Variants in ATRNL1 observed in about 807,000 individuals in gnomAD.
ATRNL1 encodes the protein attractin like 1.
A neutral mutation model predicts 182.7 loss-of-function variants in ATRNL1; 95 were observed. That is an observed-to-expected ratio of 0.52 (90% confidence interval 0.44 to 0.62). ATRNL1 has a LOEUF of 0.62. ATRNL1 is among the 20% of genes least tolerant of loss of function. The pLI, the probability that ATRNL1 is intolerant of heterozygous loss-of-function variation, is 0.00. For synonymous variants in ATRNL1, 576 were observed against 568.3 expected (o/e 1.01, Z -0.19); for missense variants, 1,471 against 1,679.5 (o/e 0.88, Z 2.17).
intron 28 of ATRNL1, among the ~76,000 whole-genome samples, chr10:115,932,301 C>G (rs576545856): frequency 6.6e-6 from 1 of 152,316 alleles, no homozygotes; most frequent in East Asian, 1.9e-4. Flanking sequence ...GATCACTTAG[C>G]AAACATCAGA....
intron 13 of ATRNL1, among the ~76,000 whole-genome samples, chr10:115,273,617 T>G (rs1318714839): frequency 6.6e-6 from 1 of 152,224 alleles, no homozygotes; most frequent in Non-Finnish European, 1.5e-5. Context: ...ACTACTGTAC[T>G]TCAGGGAGGT....
intron 21 of ATRNL1, among the ~76,000 whole-genome samples, chr10:115,431,187 A>G (rs1227533018): frequency 6.6e-6 from 1 of 152,078 alleles, no homozygotes; most frequent in Non-Finnish European, 1.5e-5. Context: ...CGGGCGAATC[A>G]CCTGAGGTAG....
chr10:115,779,934 C>T (rs370397722), intron 27 of ATRNL1, among the ~76,000 whole-genome samples: 2 of 152,348 alleles, frequency 1.3e-5, no homozygotes, highest in Non-Finnish European at 2.9e-5. Flanking sequence ...ATCATCCCTA[C>T]TGCAGGAACA....
At chr10:115,803,996 T>C (rs908005145) in intron 27 of ATRNL1, among the ~76,000 whole-genome samples, 2 of 152,192 alleles carry the variant, frequency 1.3e-5, no homozygotes, top group African/African-American at 4.8e-5. Flanking sequence ...ACCACTGACA[T>C]TTAATTAGTT....
At position 115,438,756 on chromosome 10, in the gene ATRNL1, A is replaced by G. The variant is rs1846524994; in HGVS notation, c.3322+12454A>G. 2.0e-5 allele frequency among the ~76,000 whole-genome samples: 3 copies of G among 151,980 alleles called. No homozygotes were observed. The South Asian group carries it at 6.2e-4, about 31-fold the overall frequency. On this transcript the variant is annotated intron_variant, in intron 21 of 28. Transcript: ENST00000355044. Reference sequence around the variant, plus strand: ...TTAATCCTGGGCATATTCCAGTCATATAAGACTAGGATGAGAGACTGATTA... The same window carrying G: ...TTAATCCTGGGCATATTCCAGTCATGTAAGACTAGGATGAGAGACTGATTA...
intron 3 of ATRNL1, among the ~76,000 whole-genome samples, chr10:115,122,253 A>G (rs1308384838): frequency 6.6e-6 from 1 of 151,786 alleles, no homozygotes; most frequent in African/African-American, 2.4e-5. Flanking sequence ...ATTAATAAAG[A>G]TGGAGTTTCT....
chr10:115,432,565 G>A (rs1259479858), intron 21 of ATRNL1, among the ~76,000 whole-genome samples: 1 of 152,112 alleles, frequency 6.6e-6, no homozygotes, highest in African/African-American at 2.4e-5. Flanking sequence ...GTAACTTAAA[G>A]CAATTGAGTG....
intron 25 of ATRNL1, among the ~76,000 whole-genome samples, chr10:115,545,958 A>C (rs1355024874): frequency 6.6e-6 from 1 of 152,126 alleles, no homozygotes; most frequent in East Asian, 1.9e-4. Flanking sequence ...GTTTACTTCA[A>C]CTCTCTGTGA....
intron 19 of ATRNL1, among the ~76,000 whole-genome samples, chr10:115,368,359 G>C (rs573524221): frequency 5.9e-5 from 9 of 152,334 alleles, no homozygotes; most frequent in Non-Finnish European, 1.2e-4. Flanking sequence ...CCCAAGTGAG[G>C]CAAAGCCTCG....
At chr10:115,913,389 G>A (rs1952745554) in intron 28 of ATRNL1, among the ~76,000 whole-genome samples, 1 of 152,068 alleles carries the variant, frequency 6.6e-6, no homozygotes, top group African/African-American at 2.4e-5. Context: ...CTAGCTCTAG[G>A]GCCAGAAGAC....
Position 115,302,043 on chromosome 10 carries a change from C to T in ATRNL1, c.2818C>T (p.Pro940Ser), listed in dbSNP as rs782489949. 33 of 1,610,154 alleles carry T rather than the reference C, an allele frequency of 2.0e-5. No homozygotes were observed. The highest frequency in any genetic ancestry group is 1.6e-4 in the Middle Eastern group (1 of 6,068). The change falls in exon 17 of 29, where the codon CCT becomes TCT. Residue 940 changes from proline to serine, a missense_variant and splice_region_variant. Transcript: ENST00000355044. Reference protein sequence around the residue: ...CLEWQTATCSPQNCSGLRTCG... With the variant: ...CLEWQTATCSSQNCSGLRTCG... ...AGAGTGGCAAACTGCCACCTGCTCC[C>T]GTAAGTATTTATCTAGAGTGACTTT...
At chr10:115,874,765 G>T (rs1338539142) in intron 28 of ATRNL1, among the ~76,000 whole-genome samples, 1 of 152,182 alleles carries the variant, frequency 6.6e-6, no homozygotes, top group Admixed American at 6.5e-5. Flanking sequence ...ATGAGCAAAG[G>T]AGACTCAGAA....
intron 27 of ATRNL1, among the ~76,000 whole-genome samples, chr10:115,782,019 A>C (rs1435599001): frequency 1.3e-5 from 2 of 152,192 alleles, no homozygotes; most frequent in African/African-American, 4.8e-5. Context: ...TATTTGTTCC[A>C]AATGATGATT....
chr10:115,565,425 C>T (rs140125372), intron 26 of ATRNL1, among the ~76,000 whole-genome samples: 193 of 151,872 alleles, frequency 1.3e-3, no homozygotes, highest in African/African-American at 4.3e-3. Context: ...TGTGTAACTG[C>T]TTTTTATGTT....
chr10:115,938,768 T>G (rs1450204196), intron 28 of ATRNL1, among the ~76,000 whole-genome samples: 2 of 152,106 alleles, frequency 1.3e-5, no homozygotes, highest in Non-Finnish European at 2.9e-5. Flanking sequence ...ACAAATACTG[T>G]ATGACTTCAC....
At chr10:115,576,721 G>A (rs773181590) in intron 26 of ATRNL1, among the ~76,000 whole-genome samples, 18 of 151,822 alleles carry the variant, frequency 1.2e-4, no homozygotes, top group Admixed American at 3.9e-4. Context: ...TTTGCTATGC[G>A]GAAGTAACTT....
At chr10:115,852,909 G>A (rs181695503) in intron 28 of ATRNL1, among the ~76,000 whole-genome samples, 45 of 152,250 alleles carry the variant, frequency 3.0e-4, no homozygotes, top group Admixed American at 2.4e-3. Context: ...GAAGAAGCCC[G>A]TGAACTCATA....
intron 25 of ATRNL1, among the ~76,000 whole-genome samples, chr10:115,536,183 G>T (rs941890007): frequency 7.2e-5 from 11 of 152,168 alleles, no homozygotes; most frequent in African/African-American, 2.7e-4. Context: ...TTACTGCTGT[G>T]TTTTTGTTTG....
At position 115,456,492 on chromosome 10, in the gene ATRNL1, C is replaced by T. The variant is rs370111791; in HGVS notation, c.3323-5449C>T. On this transcript the variant is annotated intron_variant, in intron 21 of 28. Coordinates refer to ENST00000355044, the MANE Select transcript of ATRNL1 (RefSeq NM_207303.4). The stretch of plus-strand genomic sequence containing the variant: ...CACACCAGGGCCTGTCATGGGGTGA[C>T]GGGTAAGGTGAAGAATAGCGTTAGG... Among the ~76,000 whole-genome samples the T allele has an allele frequency of 6.2e-4, 94 of 152,008 alleles. 2 individuals are homozygous for T. In the South Asian group the frequency reaches 0.017, roughly 28 times the overall value.
Sources: gnomAD v4.1 joint callset for allele counts (sites outside exome capture counted in the v4.1 genomes callset) on GRCh38, gnomAD v4.1.1 for gene constraint, MANE v1.5 for transcripts, NCBI Gene and HGNC (gene_info 2026-07-23, HGNC 2026-07-21) for gene names.